SGCD: variants seen among roughly 807,000 people sequenced by gnomAD.
SGCD encodes the protein delta-sarcoglycan.
In SGCD, 18 loss-of-function variants were observed where a neutral mutation model predicts 36.6. The observed-to-expected ratio is 0.49, with a 90% CI of 0.34 to 0.73. The LOEUF (loss-of-function observed/expected upper bound fraction) is 0.73, where lower values mean the gene tolerates loss of function less well. SGCD is among the 30% of genes least tolerant of loss of function. The pLI is 0.01. For synonymous variants in SGCD, 133 were observed against 130.6 expected (o/e 1.02, Z -0.12); for missense variants, 387 against 346.7 (o/e 1.12, Z -0.92).
At chr5:156,506,766 GT>G (rs1407396395) in intron 3 of SGCD, among the ~76,000 whole-genome samples, 21 of 152,272 alleles carry the variant, frequency 1.4e-4, no homozygotes, top group African/African-American at 5.1e-4. Context: ...GGTGGAAGAT[GT>G]TAGATAGCCA....
intron 1 of SGCD, among the ~76,000 whole-genome samples, chr5:155,995,034 G>A (rs1561676266): frequency 6.6e-6 from 1 of 152,144 alleles, no homozygotes; most frequent in Non-Finnish European, 1.5e-5. Context: ...CACAGCTTCT[G>A]GTCCTGAAAA....
chr5:156,092,286 C>T (rs774244902), intron 1 of SGCD, among the ~76,000 whole-genome samples: 2 of 152,190 alleles, frequency 1.3e-5, no homozygotes, highest in African/African-American at 2.4e-5. Context: ...TCCTTTTGCC[C>T]TGCTTCAACC....
chr5:156,402,408 C>T (rs759779918), intron 3 of SGCD, among the ~76,000 whole-genome samples: 1 of 152,342 alleles, frequency 6.6e-6, no homozygotes, highest in Non-Finnish European at 1.5e-5. Flanking sequence ...AGAGAATGCA[C>T]ACTCTGAAGG....
At chr5:156,681,531 C>T (rs1344214015) in intron 7 of SGCD, among the ~76,000 whole-genome samples, 1 of 152,138 alleles carries the variant, frequency 6.6e-6, no homozygotes, top group Non-Finnish European at 1.5e-5. Context: ...CTTAGTGCTG[C>T]GGTTCCAGGC....
At chr5:155,879,588 T>A (rs1298588906) in intron 1 of SGCD, among the ~76,000 whole-genome samples, 2 of 152,174 alleles carry the variant, frequency 1.3e-5, no homozygotes, top group East Asian at 3.9e-4. Context: ...AAAAGCCTAA[T>A]TGTATAAGAT....
At chr5:155,955,024 A>C (rs1738834160) in intron 1 of SGCD, among the ~76,000 whole-genome samples, 1 of 152,180 alleles carries the variant, frequency 6.6e-6, no homozygotes, top group Non-Finnish European at 1.5e-5. Flanking sequence ...TCAAGCTGCC[A>C]GGAAGGAGGC....
chr5:155,823,062 A>ATACCTATC, the SGCD span, among the ~76,000 whole-genome samples: 1 of 145,172 alleles, frequency 6.9e-6, no homozygotes, highest in Non-Finnish European at 1.5e-5. Context: ...CTATATCTCT[A>ATACCTATC]TATCTATCTA....
At chr5:155,778,424 G>T in the SGCD span, among the ~76,000 whole-genome samples, 1 of 152,128 alleles carries the variant, frequency 6.6e-6, no homozygotes, top group African/African-American at 2.4e-5. Flanking sequence ...GTCTGTAATT[G>T]GAAGAGAAGA....
intron 1 of SGCD, among the ~76,000 whole-genome samples, chr5:155,942,557 TA>T (rs1757350689): frequency 6.6e-6 from 1 of 152,160 alleles, no homozygotes; most frequent in Admixed American, 6.6e-5. Flanking sequence ...GGTTGACCCC[TA>T]AACTATGCAA....
At chr5:156,508,280 C>G (rs1756788886) in intron 3 of SGCD, among the ~76,000 whole-genome samples, 2 of 152,044 alleles carry the variant, frequency 1.3e-5, no homozygotes, top group African/African-American at 4.8e-5. Context: ...CCTTTTCTCT[C>G]CTCCTACTTA....
At chr5:156,733,411 C>T (rs1423431156) in intron 7 of SGCD, among the ~76,000 whole-genome samples, 1 of 151,976 alleles carries the variant, frequency 6.6e-6, no homozygotes, top group African/African-American at 2.4e-5. Flanking sequence ...CATTTTGCGT[C>T]TGCTGAGGAG....
At chr5:155,963,743 C>G (rs779970282) in intron 1 of SGCD, among the ~76,000 whole-genome samples, 1 of 152,068 alleles carries the variant, frequency 6.6e-6, no homozygotes, top group Non-Finnish European at 1.5e-5. Context: ...TTATTCTCCT[C>G]TTTGCTATTG....
At chr5:155,972,086 T>G (rs555059075) in intron 1 of SGCD, among the ~76,000 whole-genome samples, 1 of 152,302 alleles carries the variant, frequency 6.6e-6, no homozygotes, top group South Asian at 2.1e-4. Flanking sequence ...TCTATTTACT[T>G]GCTCTAGCAT....
chr5:155,912,610 C>T (rs1378011870), intron 1 of SGCD, among the ~76,000 whole-genome samples: 3 of 152,136 alleles, frequency 2.0e-5, no homozygotes, highest in Non-Finnish European at 2.9e-5. Context: ...TTAAGCACAA[C>T]TAGGGAGCCA....
chr5:155,811,703 C>T, the SGCD span, among the ~76,000 whole-genome samples: 1 of 152,144 alleles, frequency 6.6e-6, no homozygotes, highest in African/African-American at 2.4e-5. Flanking sequence ...AATAGACACA[C>T]ACAAGATAGT....
chr5:156,524,083 G>A (rs368363717), intron 4 of SGCD, among the ~76,000 whole-genome samples: 1 of 108,932 alleles, frequency 9.2e-6, no homozygotes, highest in Non-Finnish European at 1.8e-5. Context: ...ATGATGATAA[G>A]TGAGGTCTTA....
At chr5:156,326,203 G>A (rs1167591481), upstream of SGCD, among the ~76,000 whole-genome samples, 1 of 152,118 alleles carries the variant, frequency 6.6e-6, no homozygotes, top group Non-Finnish European at 1.5e-5. Flanking sequence ...CCTGTTTTGA[G>A]GTTTCCTCTT....
chr5:155,864,477 G>C, the SGCD span, among the ~76,000 whole-genome samples: 128 of 152,148 alleles, frequency 8.4e-4, no homozygotes, highest in African/African-American at 2.9e-3. Context: ...GCAAGAGATG[G>C]TATTGGCCTG....
chr5:156,718,379 G>C (rs557407980), intron 7 of SGCD, among the ~76,000 whole-genome samples: 19 of 152,164 alleles, frequency 1.2e-4, no homozygotes, highest in Non-Finnish European at 1.5e-5. Flanking sequence ...ACTGTAACTT[G>C]TTGGTTCAAA....
Sources: gnomAD v4.1 joint callset for allele counts (sites outside exome capture counted in the v4.1 genomes callset) on GRCh38, gnomAD v4.1.1 for gene constraint, MANE v1.5 for transcripts, NCBI Gene and HGNC (gene_info 2026-07-23, HGNC 2026-07-21) for gene names.